The following ZNF98 variants were observed in gnomAD, a reference collection of about 807,000 sequenced individuals.
The protein encoded by ZNF98 is zinc finger protein 739.
ZNF98 carries 8 observed loss-of-function variants against 12.8 expected under a neutral mutation model. The observed-to-expected ratio is 0.63, with a 90% confidence interval of 0.37 to 1.13. The LOEUF is 1.13. ZNF98 is among the 50% of genes most tolerant of loss of function. The pLI is 0.01. For synonymous variants in ZNF98, 112 were observed against 223.5 expected (o/e 0.50, Z 4.45); for missense variants, 379 against 666.1 (o/e 0.57, Z 4.74).
intron 3 of ZNF98, among the ~76,000 whole-genome samples, chr19:22,395,850 G>GT (rs1451182523): frequency 6.9e-6 from 1 of 145,560 alleles, no homozygotes; most frequent in African/African-American, 2.7e-5. Flanking sequence ...GAAAGATACC[G>GT]TGTGACACAA....
rs547662576 is a variant in ZNF98, at chr19:22,395,871, G to A, written c.254-2890C>T. Among the ~76,000 whole-genome samples the A allele has an allele frequency of 6.1e-4, 73 of 119,362 alleles. No homozygotes were observed. In the East Asian group the frequency reaches 0.017, roughly 28 times the overall value. 78.3% of individuals were successfully genotyped at this position (119,362 alleles called of 152,430 possible). ...TACCGTGTGACACAAAGTCCTGAGGGGGGGGAAAAAAAAAAGCTATCAAGT... is the reference window on the plus strand; with the variant it reads ...TACCGTGTGACACAAAGTCCTGAGGAGGGGGAAAAAAAAAAGCTATCAAGT... On this transcript the variant is annotated intron_variant, in intron 3 of 3. Transcript: ENST00000357774.
At chr19:22,402,312 C>G in intron 3 of ZNF98, 1 of 297,650 alleles carries the variant, frequency 3.4e-6, no homozygotes, top group Non-Finnish European at 6.1e-6. Flanking sequence ...TAATTTCAAA[C>G]TATACTTCAA....
intron 3 of ZNF98, among the ~76,000 whole-genome samples, chr19:22,398,443 G>A (rs4564714): frequency 6.6e-6 from 1 of 151,016 alleles, no homozygotes; most frequent in Non-Finnish European, 1.5e-5. Flanking sequence ...ACAGCTCACT[G>A]CAGCCTCAAA....
intron 3 of ZNF98, among the ~76,000 whole-genome samples, chr19:22,393,546 T>C (rs956680633): frequency 2.0e-5 from 3 of 151,890 alleles, no homozygotes; most frequent in Non-Finnish European, 4.4e-5. Context: ...TACAACTATC[T>C]GATCTTTGAC....
intron 1 of ZNF98, among the ~76,000 whole-genome samples, chr19:22,409,705 A>G (rs1969559905): frequency 6.6e-6 from 1 of 152,050 alleles, no homozygotes; most frequent in African/African-American, 2.4e-5. Flanking sequence ...TAAGGCCAGG[A>G]GTTCTAGACC....
At chr19:22,406,704 T>G (rs1355136750) in intron 1 of ZNF98, among the ~76,000 whole-genome samples, 1 of 151,724 alleles carries the variant, frequency 6.6e-6, no homozygotes, top group Non-Finnish European at 1.5e-5. Context: ...GTAGTCCCAG[T>G]TACTTGGGAG....
At chr19:22,398,920 C>A (rs1226090756) in intron 3 of ZNF98, among the ~76,000 whole-genome samples, 1 of 151,996 alleles carries the variant, frequency 6.6e-6, no homozygotes, top group Non-Finnish European at 1.5e-5. Flanking sequence ...ACAAGATTAG[C>A]CATAACCAAA....
Position 22,413,794 on chromosome 19 carries a change from G to T in ZNF98, c.30+8401C>A, listed in dbSNP as rs560524895. Among the ~76,000 whole-genome samples, 25 of 150,578 alleles carry T rather than the reference G, an allele frequency of 1.7e-4. No individual in the cohort carries two copies. In the South Asian group the frequency reaches 5.1e-3, roughly 31 times the overall value. On this transcript the variant is annotated intron_variant, in intron 1 of 3. Coordinates refer to ENST00000357774, the MANE Select transcript of ZNF98 (RefSeq NM_001098626.2). ...TGAGGCAGGAGAATCGCTTGAACCC[G>T]GGAGGCAGAGGTTGTGGTGAGCAGA...
chr19:22,414,232 C>CAAAAAAAAAAAAAAAA (rs57966582), intron 1 of ZNF98, among the ~76,000 whole-genome samples: 2 of 89,390 alleles, frequency 2.2e-5, no homozygotes, highest in African/African-American at 1.2e-4. Flanking sequence ...GACTCCATCT[C>CAAAAAAAAAAAAAAAA]AAAAAAAAAA....
chr19:22,414,666 A>G (rs1368801234), intron 1 of ZNF98, among the ~76,000 whole-genome samples: 1 of 152,116 alleles, frequency 6.6e-6, no homozygotes. Context: ...TGATACTGGA[A>G]TAACTAGCTA....
At chr19:22,396,148 A>T (rs998146443) in intron 3 of ZNF98, among the ~76,000 whole-genome samples, 1 of 152,182 alleles carries the variant, frequency 6.6e-6, no homozygotes, top group African/African-American at 2.4e-5. Context: ...TGGTGCAGAA[A>T]ACATTTTAAA....
At chr19:22,419,200 G>A (rs1009844586) in intron 1 of ZNF98, among the ~76,000 whole-genome samples, 1 of 151,958 alleles carries the variant, frequency 6.6e-6, no homozygotes, top group African/African-American at 2.4e-5. Flanking sequence ...ATACTCCTTT[G>A]GAATTCAATT....
intron 3 of ZNF98, among the ~76,000 whole-genome samples, chr19:22,397,339 C>A (rs1435874111): frequency 6.6e-6 from 1 of 151,768 alleles, no homozygotes; most frequent in Non-Finnish European, 1.5e-5. Flanking sequence ...ACTGCACTTG[C>A]CGTAATAAAA....
rs1359542686 is a variant in ZNF98 at position 22,415,922 on chromosome 19, G to A, written c.30+6273C>T. Reference sequence around the variant, plus strand: ...AGCTTGACCAACATGGTGAAACCCCGTTCCTACTTAAAAAAAAAAAAAAAA... The same window carrying A: ...AGCTTGACCAACATGGTGAAACCCCATTCCTACTTAAAAAAAAAAAAAAAA... On this transcript the variant is annotated intron_variant, in intron 1 of 3. Coordinates refer to ENST00000357774, the MANE Select transcript of ZNF98 (RefSeq NM_001098626.2). Among the ~76,000 whole-genome samples, 15 of 125,444 alleles carry A rather than the reference G, an allele frequency of 1.2e-4. No individual in the cohort carries two copies. The South Asian group carries it at 3.2e-3, about 27-fold the overall frequency. The allele number at this position is 125,444 out of a possible 152,430, so 82.3% of individuals were successfully genotyped here.
At chr19:22,417,319 C>T (rs150986111) in intron 1 of ZNF98, among the ~76,000 whole-genome samples, 6 of 150,260 alleles carry the variant, frequency 4.0e-5, no homozygotes, top group South Asian at 2.1e-4. Context: ...GACACTGAGG[C>T]GTAGTTGAGG....
chr19:22,414,063 T>C (rs7255934), intron 1 of ZNF98, among the ~76,000 whole-genome samples: 64,884 of 150,324 alleles, frequency 0.43, 14,178 homozygotes, highest in Non-Finnish European at 0.46. Context: ...GGTGAAACCC[T>C]ATCTCTACTA....
intron 1 of ZNF98, among the ~76,000 whole-genome samples, chr19:22,414,273 GA>G (rs1394182749): frequency 8.3e-6 from 1 of 119,824 alleles, no homozygotes; most frequent in South Asian, 2.9e-4. Context: ...AAGCAAGAAA[GA>G]AAAGATCAAT....
Position 22,402,894 on chromosome 19 carries a change from T to C in ZNF98, c.158-10A>G. ...TTAGAGGCAGCAATACCTGTTTTAT[T>C]ACAAATAACATGAATCTTGCTCATA... On this transcript the variant is annotated splice_polypyrimidine_tract_variant and intron_variant, in intron 2 of 3. Coordinates refer to ENST00000357774, the MANE Select transcript of ZNF98 (RefSeq NM_001098626.2). 1 of 1,569,082 alleles carries C rather than the reference T, an allele frequency of 6.4e-7. No homozygotes were observed. Among genetic ancestry groups the C allele is most frequent in the African/African-American group, 1.4e-5 (1 of 72,238 alleles).
intron 1 of ZNF98, among the ~76,000 whole-genome samples, chr19:22,421,192 C>T (rs1040171278): frequency 2.0e-5 from 3 of 152,032 alleles, no homozygotes; most frequent in Non-Finnish European, 2.9e-5. Context: ...CCATCTAATG[C>T]TTTGTCAAAA....
Sources: allele counts gnomAD v4.1 joint callset (sites outside exome capture counted in the v4.1 genomes callset), GRCh38; gene constraint gnomAD v4.1.1; transcripts MANE v1.5; gene names NCBI Gene and HGNC (gene_info 2026-07-23, HGNC 2026-07-21).